DIP2B: variants seen among roughly 807,000 people sequenced by gnomAD.
The protein encoded by DIP2B is DIP2 acetate--CoA ligase B (putative), also known as disco-interacting protein 2 homolog B.
Under a neutral mutation model 198.0 loss-of-function variants are expected in DIP2B, and 76 were observed. That is an observed-to-expected ratio of 0.38 (90% CI 0.32 to 0.46). The LOEUF is 0.46. Among genes scored for constraint, DIP2B ranks in the 20% least tolerant of loss-of-function variants. The pLI is 0.99. For missense variants in DIP2B, 1,559 were observed against 1,978.4 expected (o/e 0.79, Z 4.02); for synonymous variants, 701 against 739.1 (o/e 0.95, Z 0.84).
intron 23 of DIP2B, among the ~76,000 whole-genome samples, chr12:50,717,120 T>A (rs1268713198): frequency 6.6e-6 from 1 of 151,364 alleles, no homozygotes; most frequent in African/African-American, 2.4e-5. Flanking sequence ...AATTTTTGTA[T>A]TTTTAGTAGA....
chr12:50,561,178 A>C (rs954697939), intron 1 of DIP2B, among the ~76,000 whole-genome samples: 1 of 152,184 alleles, frequency 6.6e-6, no homozygotes, highest in Non-Finnish European at 1.5e-5. Flanking sequence ...CCATGCAGCC[A>C]AGGGTGAATA....
chr12:50,542,282 GAAAATCTC>G (rs1958333961), intron 1 of DIP2B, among the ~76,000 whole-genome samples: 1 of 148,964 alleles, frequency 6.7e-6, no homozygotes, highest in African/African-American at 2.5e-5. Context: ...AAAGAAAAAA[GAAAATCTC>G]AAAATCTCAT....
Position 50,724,898 on chromosome 12 carries a change from ACTT to A in DIP2B, c.3400+18_3400+20del, listed in dbSNP as rs762708843. ...CATCATTGACACAGGTGAAAGGGAG[ACTT>A]CTTCTGAGGGTGGAGGGACTGAGAG... On this transcript the variant is annotated intron_variant, in intron 28 of 37. Transcript: ENST00000301180. 3.6e-5 allele frequency: 58 copies of A among 1,612,694 alleles called. 1 individual carries two copies. Among genetic ancestry groups the A allele is most frequent in the South Asian group, 2.0e-4 (18 of 91,052 alleles).
In DIP2B at chr12:50,704,962, A is replaced by C. The variant is rs1013840667; in HGVS notation, c.2406+742A>C. 2.6e-5 allele frequency among the ~76,000 whole-genome samples: 4 copies of C among 152,124 alleles called. No homozygotes were observed. In the South Asian group the frequency reaches 8.3e-4, roughly 32 times the overall value. ...GACTTCATTTCAAAAAACAAACAAA[A>C]AAAAAACAAAAAAGTTTGTTATTCA... On this transcript the variant is annotated intron_variant, in intron 20 of 37. Transcript: ENST00000301180.
At chr12:50,707,840 GGTCCACTGGGATCT>G (rs1184770905) in intron 21 of DIP2B, among the ~76,000 whole-genome samples, 1 of 152,020 alleles carries the variant, frequency 6.6e-6, no homozygotes, top group Non-Finnish European at 1.5e-5. Context: ...TGGCCTCTCA[GGTCCACTGGGATCT>G]GCCCTGGCCT....
chr12:50,691,201 G>C, intron 13 of DIP2B, 50 bp downstream of exon 13: 1 of 1,510,246 alleles, frequency 6.6e-7, no homozygotes, highest in Non-Finnish European at 9.2e-7. Context: ...AGAGATGTGT[G>C]ACTGTGAGCA....
chr12:50,623,510 G>GACAC (rs149507592), intron 1 of DIP2B, among the ~76,000 whole-genome samples: 14 of 74,092 alleles, frequency 1.9e-4, no homozygotes, highest in South Asian at 3.9e-4. Flanking sequence ...TAGCCTTCCA[G>GACAC]ACACACACAC....
At chr12:50,687,455 A>G (rs1401271143) in intron 12 of DIP2B, among the ~76,000 whole-genome samples, 1 of 152,218 alleles carries the variant, frequency 6.6e-6, no homozygotes, top group Non-Finnish European at 1.5e-5. Flanking sequence ...AGGCAAATCA[A>G]TAAAAATTTT....
At chr12:50,696,617 T>C (rs1233363220) in intron 16 of DIP2B, among the ~76,000 whole-genome samples, 1 of 152,206 alleles carries the variant, frequency 6.6e-6, no homozygotes, top group Non-Finnish European at 1.5e-5. Context: ...TAAATGGACT[T>C]TGTTAGTAGT....
At chr12:50,506,045 A>T (rs1258559298) in intron 1 of DIP2B, among the ~76,000 whole-genome samples, 1 of 152,054 alleles carries the variant, frequency 6.6e-6, no homozygotes, top group African/African-American at 2.4e-5. Context: ...AAAAAAAAAA[A>T]ATGGGATAAA....
At position 50,699,197 on chromosome 12, in the gene DIP2B, T is replaced by A; in HGVS notation, c.2320T>A (p.Phe774Ile). 2 of 1,614,052 alleles carry A rather than the reference T, an allele frequency of 1.2e-6. No individual in the cohort carries two copies. Among genetic ancestry groups the A allele is most frequent in the Non-Finnish European group, 1.7e-6 (2 of 1,179,996 alleles). Residue 774 changes from phenylalanine to isoleucine, a missense_variant, in exon 19 of 38, where the codon TTT (phenylalanine) becomes ATT (isoleucine). Coordinates refer to ENST00000301180, the MANE Select transcript of DIP2B (RefSeq NM_173602.3). ...GCTTGCTGGTGTGACAAAAAATACATTTGAGGTACATGATATTAACATTTC... is the reference window on the plus strand; with the variant it reads ...GCTTGCTGGTGTGACAAAAAATACAATTGAGGTACATGATATTAACATTTC... ...FGLAGVTKNT[F>I]EVIPVNSAGS... is the part of the protein sequence containing the mutation.
intron 7 of DIP2B, among the ~76,000 whole-genome samples, chr12:50,677,812 A>G (rs749388811): frequency 3.9e-5 from 6 of 152,054 alleles, no homozygotes; most frequent in Non-Finnish European, 5.9e-5. Flanking sequence ...TTCAGCTGAC[A>G]TTGTTGAACA....
Position 50,675,423 on chromosome 12 carries a change from G to A in DIP2B, c.891G>A (p.Val297=). Residue 297 remains valine, a synonymous_variant, in exon 7 of 38, where the codon GTG becomes GTA. Transcript: ENST00000301180. ...PKRPPLKEFF[V]DDSEEIVEVP... is the part of the protein sequence containing the mutation. The stretch of plus-strand genomic sequence containing the variant: ...GGCCTCCCTTAAAGGAATTTTTTGT[G>A]GATGACTCTGAAGAAATTGTGGAAG... 3 of 1,613,222 alleles carry A rather than the reference G, an allele frequency of 1.9e-6. No individual in the cohort carries two copies. The highest frequency in any genetic ancestry group is 2.5e-6 in the Non-Finnish European group (3 of 1,179,478).
chr12:50,650,125 G>A (rs1251141000), intron 3 of DIP2B, among the ~76,000 whole-genome samples: 5 of 151,850 alleles, frequency 3.3e-5, no homozygotes, highest in East Asian at 1.9e-4. Context: ...CAGGAGAATC[G>A]CTTGAACCCG....
At chr12:50,658,475 A>G (rs184549400) in intron 3 of DIP2B, among the ~76,000 whole-genome samples, 18 of 152,284 alleles carry the variant, frequency 1.2e-4, no homozygotes, top group Admixed American at 7.2e-4. Flanking sequence ...GGGGTTATAT[A>G]AGAGAAAATT....
chr12:50,737,451 T>C (rs1226647562), intron 35 of DIP2B, among the ~76,000 whole-genome samples: 4 of 152,180 alleles, frequency 2.6e-5, no homozygotes, highest in Admixed American at 6.5e-5. Flanking sequence ...TCAGATGTTA[T>C]ATTGTATTCT....
At chr12:50,647,321 C>T (rs909114067) in intron 3 of DIP2B, among the ~76,000 whole-genome samples, 10 of 152,078 alleles carry the variant, frequency 6.6e-5, no homozygotes, top group South Asian at 4.2e-4. Flanking sequence ...AAGAGGGAGA[C>T]GGGAAGGCAT....
intron 4 of DIP2B, among the ~76,000 whole-genome samples, chr12:50,663,555 CAAAT>C (rs60815215): frequency 6.3e-5 from 9 of 141,808 alleles, no homozygotes; most frequent in Non-Finnish European, 1.1e-4. Context: ...GACTCCGTCT[CAAAT>C]AAATAAATAA....
intron 19 of DIP2B, among the ~76,000 whole-genome samples, chr12:50,703,281 G>C (rs573299756): frequency 6.6e-6 from 1 of 150,976 alleles, no homozygotes; most frequent in Non-Finnish European, 1.5e-5. Context: ...TATATTTTTC[G>C]GTACCAGATT....
Sources: gnomAD v4.1 joint callset for allele counts (sites outside exome capture counted in the v4.1 genomes callset) on GRCh38, gnomAD v4.1.1 for gene constraint, MANE v1.5 for transcripts, NCBI Gene and HGNC (gene_info 2026-07-23, HGNC 2026-07-21) for gene names.